Variants in PLA2G4E observed in about 807,000 individuals in gnomAD.
The protein encoded by PLA2G4E is phospholipase A2 group IVE, also known as cytosolic phospholipase A2 epsilon.
Under a neutral mutation model 109.1 loss-of-function variants are expected in PLA2G4E, and 84 were observed. The observed-to-expected ratio is 0.77, with a 90% CI of 0.65 to 0.92. The LOEUF is 0.92. Among genes scored for constraint, PLA2G4E ranks in the 40% least tolerant of loss-of-function variants. PLA2G4E has a pLI of 0.00. For missense variants in PLA2G4E, 1,057 were observed against 1,076.6 expected (o/e 0.98, Z 0.25); for synonymous variants, 469 against 436.1 (o/e 1.08, Z -0.94).
chr15:42,010,138 C>CCCG (rs745521251), intron 2 of PLA2G4E: 19 of 477,088 alleles, frequency 4.0e-5, no homozygotes, highest in Non-Finnish European at 2.5e-5. Flanking sequence ...ACTGGCCCCC[C>CCCG]CACCCCGGGC....
At chr15:41,996,378 A>AAAT (rs1555385822) in intron 11 of PLA2G4E, among the ~76,000 whole-genome samples, 2 of 124,108 alleles carry the variant, frequency 1.6e-5, no homozygotes, top group Non-Finnish European at 3.4e-5. Flanking sequence ...AAAAAAAAAA[A>AAAT]AGGAGGGAGG....
chr15:41,995,446 G>A (rs1345794710), exon 12 of PLA2G4E: 4 of 1,613,898 alleles, frequency 2.5e-6, no homozygotes, highest in Non-Finnish European at 3.4e-6. Flanking sequence ...CATACATGGA[G>A]GTCATGGATC....
At chr15:41,999,709 C>T in intron 9 of PLA2G4E, 148 bp from the exon 10 acceptor site, 3 of 1,168,392 alleles carry the variant, frequency 2.6e-6, no homozygotes, top group Non-Finnish European at 3.7e-6. Flanking sequence ...ACACAATCTC[C>T]CCACCATCTT....
intron 1 of PLA2G4E, among the ~76,000 whole-genome samples, chr15:42,038,089 G>A (rs1889249311): frequency 6.6e-6 from 1 of 152,196 alleles, no homozygotes; most frequent in Admixed American, 6.5e-5. Flanking sequence ...TGCTGTTACT[G>A]TATTTCATCA....
chr15:42,044,976 C>T (rs966910959), intron 1 of PLA2G4E, among the ~76,000 whole-genome samples: 12 of 152,066 alleles, frequency 7.9e-5, no homozygotes, highest in South Asian at 2.1e-4. Flanking sequence ...AGAACCTACA[C>T]GGCATGGTGA....
At chr15:42,002,768 G>C in intron 5 of PLA2G4E, 72 bp from the exon 6 acceptor site, 2 of 1,314,468 alleles carry the variant, frequency 1.5e-6, no homozygotes, top group Non-Finnish European at 2.1e-6. Context: ...GCGACAAAGG[G>C]AATAAATAGG....
chr15:42,001,161 C>A, exon 7 of PLA2G4E: 1 of 1,613,298 alleles, frequency 6.2e-7, no homozygotes, highest in Non-Finnish European at 8.5e-7. Context: ...GCTCACTTTT[C>A]TCCCTCTTCC....
chr15:42,020,028 A>G (rs776209853), intron 1 of PLA2G4E, among the ~76,000 whole-genome samples: 3 of 152,206 alleles, frequency 2.0e-5, no homozygotes, highest in Admixed American at 6.5e-5. Flanking sequence ...CCTTCCAGCC[A>G]CCCAAGTGCT....
intron 1 of PLA2G4E, among the ~76,000 whole-genome samples, chr15:42,027,374 A>G (rs2068701765): frequency 1.3e-5 from 2 of 152,200 alleles, no homozygotes; most frequent in Admixed American, 6.5e-5. Context: ...GGGGCCCCCC[A>G]GGGACCAGTG....
At chr15:42,018,751 C>T (rs1316446087) in intron 1 of PLA2G4E, among the ~76,000 whole-genome samples, 1 of 152,148 alleles carries the variant, frequency 6.6e-6, no homozygotes, top group Non-Finnish European at 1.5e-5. Context: ...TGGGGTTGAT[C>T]TTGGCAGGAC....
chr15:41,993,024 G>A, intron 12 of PLA2G4E, 65 bp from the exon 13 acceptor site: 2 of 1,420,360 alleles, frequency 1.4e-6, no homozygotes, highest in Non-Finnish European at 1.9e-6. Flanking sequence ...CCTGGACCCG[G>A]GCAGGAGGGA....
intron 5 of PLA2G4E, among the ~76,000 whole-genome samples, chr15:42,003,721 G>C (rs1243522173): frequency 6.6e-6 from 1 of 152,196 alleles, no homozygotes; most frequent in Non-Finnish European, 1.5e-5. Context: ...CTCTTGTCCT[G>C]TCTCCCACCT....
intron 11 of PLA2G4E, 127 bp downstream of exon 11, chr15:41,996,997 T>G: frequency 2.4e-6 from 3 of 1,258,338 alleles, no homozygotes; most frequent in Non-Finnish European, 3.2e-6. Flanking sequence ...CCAGGGCGCC[T>G]GTACCTCAGC....
intron 5 of PLA2G4E, among the ~76,000 whole-genome samples, 190 bp downstream of exon 5, chr15:42,004,748 C>G (rs1173724759): frequency 6.6e-6 from 1 of 152,152 alleles, no homozygotes; most frequent in Non-Finnish European, 1.5e-5. Flanking sequence ...TGCAGTGGGG[C>G]CCAGGCTCCT....
intron 1 of PLA2G4E, among the ~76,000 whole-genome samples, chr15:42,014,719 C>T (rs2068571745): frequency 6.6e-6 from 1 of 152,194 alleles, no homozygotes; most frequent in Non-Finnish European, 1.5e-5. Context: ...TCCTTCTGGT[C>T]ACTCTATTTT....
At chr15:42,043,997 A>G (rs1889364449) in intron 1 of PLA2G4E, among the ~76,000 whole-genome samples, 1 of 152,198 alleles carries the variant, frequency 6.6e-6, no homozygotes, top group African/African-American at 2.4e-5. Context: ...ACCGCAAAGA[A>G]CCTCAAGGTT....
chr15:42,031,060 C>T (rs920535190), intron 1 of PLA2G4E, among the ~76,000 whole-genome samples: 19 of 152,176 alleles, frequency 1.2e-4, no homozygotes, highest in African/African-American at 4.3e-4. Flanking sequence ...CTTGACCTCC[C>T]TGGCTCCAGT....
In PLA2G4E at chr15:41,995,109, T is replaced by C. The variant is rs1426315518; in HGVS notation, c.1247+251A>G. 2.0e-5 allele frequency among the ~76,000 whole-genome samples: 3 copies of C among 152,254 alleles called. No individual in the cohort carries two copies. The East Asian group carries it at 5.8e-4, about 29-fold the overall frequency. On this transcript the variant is annotated intron_variant, in intron 12 of 19. Coordinates refer to ENST00000399518, the Ensembl canonical transcript of PLA2G4E. Reference sequence around the variant, plus strand: ...CATACAGTGTCTCTGGCATACTTAGTAGCGGGAGAGCGTCTTACACCCACC... The same window carrying C: ...CATACAGTGTCTCTGGCATACTTAGCAGCGGGAGAGCGTCTTACACCCACC...
At chr15:42,010,139 C>CCCCCCCCCCCG in intron 2 of PLA2G4E, 4 of 476,068 alleles carry the variant, frequency 8.4e-6, no homozygotes, top group Admixed American at 2.0e-5. Context: ...CTGGCCCCCC[C>CCCCCCCCCCCG]ACCCCGGGCC....
Sources: gnomAD v4.1 joint callset for allele counts (sites outside exome capture counted in the v4.1 genomes callset) on GRCh38, gnomAD v4.1.1 for gene constraint, MANE v1.5 for transcripts, NCBI Gene and HGNC (gene_info 2026-07-23, HGNC 2026-07-21) for gene names.